The following KLHL8 variants were observed in gnomAD, a reference collection of about 807,000 sequenced individuals.
KLHL8 encodes the protein kelch like family member 8.
Under a neutral mutation model 63.5 loss-of-function variants are expected in KLHL8, and 38 were observed. The observed-to-expected ratio is 0.60, with a 90% CI of 0.46 to 0.78. The LOEUF (loss-of-function observed/expected upper bound fraction) is 0.78, where lower values mean the gene tolerates loss of function less well. KLHL8 is among the 30% of genes least tolerant of loss of function. The pLI, the probability that KLHL8 is intolerant of heterozygous loss-of-function variation, is 0.00. For missense variants in KLHL8, 566 were observed against 752.4 expected, an observed-to-expected ratio of 0.75 and a Z score of 2.90; for synonymous variants, 224 against 254.3, an observed-to-expected ratio of 0.88 and a Z score of 1.13.
intron 6 of KLHL8, among the ~76,000 whole-genome samples, chr4:87,170,929 A>G (rs1730609781): frequency 6.6e-6 from 1 of 152,224 alleles, no homozygotes; most frequent in Non-Finnish European, 1.5e-5. Flanking sequence ...TAGTGCACAC[A>G]CAGCGGCATA....
intron 1 of KLHL8, among the ~76,000 whole-genome samples, chr4:87,198,511 G>A (rs895524523): frequency 2.0e-5 from 3 of 152,124 alleles, no homozygotes; most frequent in African/African-American, 7.2e-5. Flanking sequence ...ACAAGCTATT[G>A]AAACATGTAA....
At chr4:87,212,689 AGATGATAG>A (rs1393181968) in intron 1 of KLHL8, among the ~76,000 whole-genome samples, 17 of 152,376 alleles carry the variant, frequency 1.1e-4, no homozygotes, top group African/African-American at 4.1e-4. Context: ...ACCAATGCAT[AGATGATAG>A]TCTCATAAGA....
chr4:87,184,552 T>G (rs1731177765), intron 3 of KLHL8, among the ~76,000 whole-genome samples: 1 of 151,934 alleles, frequency 6.6e-6, no homozygotes, highest in South Asian at 2.1e-4. Flanking sequence ...AATAAGTAAA[T>G]AAGAACACTC....
At position 87,226,728 on chromosome 4, in the gene KLHL8, A is replaced by T. The variant is rs181091281; in HGVS notation, n.58-5338T>A. 6.6e-3 allele frequency among the ~76,000 whole-genome samples: 87 copies of T among 13,174 alleles called. 20 individuals are homozygous for T. Among genetic ancestry groups the T allele is most frequent in the Middle Eastern group, 0.056 (2 of 36 alleles). The allele number at this position is 13,174 out of a possible 152,430, so 8.6% of individuals were successfully genotyped here. The stretch of plus-strand genomic sequence containing the variant: ...ATATAATATATATTATTTATATATA[A>T]TATATATTATTTATATATAATATAT... On this transcript the variant is annotated intron_variant and non_coding_transcript_variant, in intron 1 of 1. Coordinates refer to the KLHL8 transcript ENST00000506274.
At position 87,189,261 on chromosome 4, in the gene KLHL8, C is replaced by T. The variant is rs529820069; in HGVS notation, c.217-3462G>A. On this transcript the variant is annotated intron_variant, in intron 2 of 9. Transcript: ENST00000273963. ...GTAGGTTGCAGTCTGTTTACACAAC[C>T]AGTTAGGTTACAGTTTACTGTGTAC... Among the ~76,000 whole-genome samples, 8 of 152,260 alleles carry T rather than the reference C, an allele frequency of 5.3e-5. 1 individual carries two copies. Among genetic ancestry groups the T allele is most frequent in the Middle Eastern group, 6.8e-3 (2 of 294 alleles).
At chr4:87,174,359 A>C (rs1002744700) in intron 6 of KLHL8, among the ~76,000 whole-genome samples, 11 of 151,498 alleles carry the variant, frequency 7.3e-5, no homozygotes, top group Admixed American at 3.3e-4. Context: ...GCTCACTGCA[A>C]CCTCCACTTC....
rs1333589614 is a variant in KLHL8 at position 87,163,033 on chromosome 4, TA to T, written c.*485del. On this transcript the variant is annotated 3_prime_UTR_variant, in exon 10 of 10. Coordinates refer to ENST00000273963, the MANE Select transcript of KLHL8 (RefSeq NM_020803.5). ...CCACCTAGAAAAAAAAAGCTAGGCA[TA>T]AATTCATCAGCACCAAGTAGAAATG... is the stretch of plus-strand genomic sequence containing the variant. 1 of 151,898 alleles carries T rather than the reference TA, an allele frequency of 6.6e-6. No individual in the cohort carries two copies. The highest frequency in any genetic ancestry group is 1.5e-5 in the Non-Finnish European group (1 of 67,968). The allele number at this position is 151,898 out of a possible 1,614,324, so 9.4% of individuals were successfully genotyped here. A position where few individuals can be genotyped will look rare whatever the true frequency, so the allele number is the denominator to read the frequency against.
At chr4:87,196,882 C>G (rs1422815521) in intron 1 of KLHL8, among the ~76,000 whole-genome samples, 1 of 152,158 alleles carries the variant, frequency 6.6e-6, no homozygotes. Context: ...CCTCATGGCA[C>G]TATCCTGAGA....
rs1204115971 is a variant in KLHL8 at position 87,163,102 on chromosome 4, G to A, written c.*417C>T. 6.5e-6 allele frequency: 1 copy of A among 153,260 alleles called. No individual in the cohort carries two copies. Among genetic ancestry groups the A allele is most frequent in the East Asian group, 1.9e-4 (1 of 5,212 alleles). 9.5% of individuals were successfully genotyped at this position (153,260 alleles called of 1,614,324 possible). A position where few individuals can be genotyped will look rare whatever the true frequency, so the allele number is the denominator to read the frequency against. Reference sequence around the variant, plus strand: ...GTCTCTTATGTATCCTTGTGTTAATGAATAGGTACTAATCTCTCCTCTAGG... The same window carrying A: ...GTCTCTTATGTATCCTTGTGTTAATAAATAGGTACTAATCTCTCCTCTAGG... On this transcript the variant is annotated 3_prime_UTR_variant, in exon 10 of 10. Transcript: ENST00000273963.
chr4:87,233,109 G>A (rs1048229324), intron 1 of KLHL8, among the ~76,000 whole-genome samples: 2 of 151,800 alleles, frequency 1.3e-5, no homozygotes, highest in Non-Finnish European at 2.9e-5. Context: ...ACATGATCTT[G>A]GCTCACTGCA....
chr4:87,192,323 G>GT (rs1731525806), intron 2 of KLHL8, among the ~76,000 whole-genome samples: 1 of 152,142 alleles, frequency 6.6e-6, no homozygotes, highest in Admixed American at 6.5e-5. Context: ...ATGTGAGATG[G>GT]TATCTCTTTG....
intron 1 of KLHL8, among the ~76,000 whole-genome samples, chr4:87,234,260 A>C (rs1455804762): frequency 2.0e-5 from 3 of 152,120 alleles, no homozygotes; most frequent in Non-Finnish European, 4.4e-5. Context: ...CAACATGGTA[A>C]AACTGCATCT....
intron 1 of KLHL8, among the ~76,000 whole-genome samples, chr4:87,208,341 T>A (rs1299111145): frequency 1.3e-5 from 2 of 151,826 alleles, no homozygotes; most frequent in Non-Finnish European, 2.9e-5. Flanking sequence ...CTTGTTAGTC[T>A]AGTGAGTTGT....
chr4:87,195,674 T>C lies in KLHL8; in HGVS notation c.-135A>G, dbSNP rs1731668360. On this transcript the variant is annotated 5_prime_UTR_variant, in exon 2 of 10. Transcript: ENST00000273963. ...TTTTCAAAACCCACTCAACTGCCAT[T>C]GTACAGTTTGCTGTGACTGAAAAAT... is the stretch of plus-strand genomic sequence containing the variant. 1.5e-6 allele frequency: 1 copy of C among 663,638 alleles called. No homozygotes were observed. 41.1% of individuals were successfully genotyped at this position (663,638 alleles called of 1,614,324 possible).
intron 3 of KLHL8, among the ~76,000 whole-genome samples, chr4:87,184,649 G>A (rs1258015019): frequency 6.6e-6 from 1 of 151,970 alleles, no homozygotes; most frequent in African/African-American, 2.4e-5. Flanking sequence ...GGAAGGGAGA[G>A]AAAGGAGAGG....
At chr4:87,196,155 T>TG (rs1005830036) in intron 1 of KLHL8, among the ~76,000 whole-genome samples, 2 of 145,598 alleles carry the variant, frequency 1.4e-5, no homozygotes, top group African/African-American at 2.7e-5. Flanking sequence ...AACTGGGAGT[T>TG]TTTTTTTTTT....
At chr4:87,236,391 T>TA (rs1351996811) in intron 1 of KLHL8, among the ~76,000 whole-genome samples, 1 of 151,706 alleles carries the variant, frequency 6.6e-6, no homozygotes, top group African/African-American at 2.4e-5. Context: ...GTATTTTTGG[T>TA]AGAGACGGGA....
intron 1 of KLHL8, among the ~76,000 whole-genome samples, chr4:87,227,190 GA>G (rs1733045826): frequency 6.6e-6 from 1 of 151,096 alleles, no homozygotes; most frequent in South Asian, 2.1e-4. Context: ...TTGTTAGCAG[GA>G]TGGCTGAAAG....
rs1220987593 is a variant in KLHL8 at position 87,163,092 on chromosome 4, T to C, written c.*427A>G. 2 of 152,740 alleles carry C rather than the reference T, an allele frequency of 1.3e-5. No homozygotes were observed. The highest frequency in any genetic ancestry group is 2.9e-5 in the Non-Finnish European group (2 of 68,506). The allele number at this position is 152,740 out of a possible 1,614,324, so 9.5% of individuals were successfully genotyped here. ...AAAGGGGCAAGTCTCTTATGTATCC[T>C]TGTGTTAATGAATAGGTACTAATCT... is the stretch of plus-strand genomic sequence containing the variant. On this transcript the variant is annotated 3_prime_UTR_variant, in exon 10 of 10. Transcript: ENST00000273963.
Sources: allele counts gnomAD v4.1 joint callset (sites outside exome capture counted in the v4.1 genomes callset), GRCh38; gene constraint gnomAD v4.1.1; transcripts MANE v1.5; gene names NCBI Gene and HGNC (gene_info 2026-07-23, HGNC 2026-07-21).